The following VAT1L variants were observed in gnomAD, a reference collection of about 807,000 sequenced individuals.
VAT1L encodes the protein putative NADPH-dependent quinone oxidoreductase VAT1L.
In VAT1L, 34 loss-of-function variants were observed where a neutral mutation model predicts 44.1. The observed-to-expected ratio is 0.77, with a 90% CI of 0.59 to 1.03. The LOEUF (loss-of-function observed/expected upper bound fraction) is 1.03. Among genes scored for constraint, VAT1L ranks in the 50% least tolerant of loss-of-function variants. VAT1L has a pLI of 0.00. For missense variants in VAT1L, 615 were observed against 538.8 expected (o/e 1.14, Z -1.40); for synonymous variants, 253 against 202.2 (o/e 1.25, Z -2.13).
intron 7 of VAT1L, among the ~76,000 whole-genome samples, chr16:77,954,079 C>A (rs946421109): frequency 6.6e-6 from 1 of 152,158 alleles, no homozygotes; most frequent in Non-Finnish European, 1.5e-5. Flanking sequence ...TGAAACTCAG[C>A]TGCTGGGTCT....
intron 1 of VAT1L, among the ~76,000 whole-genome samples, chr16:77,814,833 T>A (rs2016324664): frequency 6.6e-6 from 1 of 152,228 alleles, no homozygotes; most frequent in African/African-American, 2.4e-5. Context: ...GTGAAACTGT[T>A]TTTAACCCTT....
chr16:77,880,616 T>TTTTTTTGG (rs2017142405), intron 6 of VAT1L, among the ~76,000 whole-genome samples: 1 of 144,492 alleles, frequency 6.9e-6, no homozygotes, highest in Admixed American at 7.0e-5. Flanking sequence ...TTTTTTTTAG[T>TTTTTTTGG]AATTTCAACT....
intron 4 of VAT1L, among the ~76,000 whole-genome samples, chr16:77,864,127 G>A (rs2016944984): frequency 6.6e-6 from 1 of 152,170 alleles, no homozygotes; most frequent in African/African-American, 2.4e-5. Context: ...AGATGATTTT[G>A]TGTGTCTCAC....
intron 7 of VAT1L, among the ~76,000 whole-genome samples, chr16:77,906,959 C>A (rs1010484507): frequency 2.0e-5 from 3 of 152,244 alleles, no homozygotes. Context: ...GATTCAATTT[C>A]TTTCATGGGA....
chr16:77,971,163 T>A (rs1020791859), intron 7 of VAT1L, among the ~76,000 whole-genome samples: 1 of 152,118 alleles, frequency 6.6e-6, no homozygotes, highest in African/African-American at 2.4e-5. Flanking sequence ...ACCTCAACAG[T>A]TGGAATTCCA....
At chr16:77,901,604 T>C (rs1486287254) in intron 7 of VAT1L, among the ~76,000 whole-genome samples, 1 of 152,200 alleles carries the variant, frequency 6.6e-6, no homozygotes, top group Non-Finnish European at 1.5e-5. Context: ...GTGGAATACA[T>C]TTCTCTTTAG....
chr16:77,975,136 G>T (rs1160465351), intron 8 of VAT1L, among the ~76,000 whole-genome samples: 1 of 150,844 alleles, frequency 6.6e-6, no homozygotes, highest in Non-Finnish European at 1.5e-5. Context: ...CGCTCAGCAG[G>T]TGCTGGAGGA....
chr16:77,877,477 C>T (rs925158304), intron 5 of VAT1L, among the ~76,000 whole-genome samples: 3 of 136,924 alleles, frequency 2.2e-5, no homozygotes, highest in African/African-American at 8.2e-5. Context: ...CGCGCCAGTG[C>T]ACTCTAGCCT....
Position 77,855,317 on chromosome 16 carries a change from G to A in VAT1L, c.580-7431G>A, listed in dbSNP as rs893746116. Reference sequence around the variant, plus strand: ...ATCGTGCCACTGCACTCCAGCCTGGGCAACAAAGCGAGACTCCATCTCAGA... The same window carrying A: ...ATCGTGCCACTGCACTCCAGCCTGGACAACAAAGCGAGACTCCATCTCAGA... On this transcript the variant is annotated intron_variant, in intron 3 of 8. Coordinates refer to ENST00000302536, the MANE Select transcript of VAT1L (RefSeq NM_020927.3). Among the ~76,000 whole-genome samples the A allele has an allele frequency of 2.7e-5, 4 of 149,618 alleles. No homozygotes were observed. The East Asian group carries it at 7.8e-4, about 29-fold the overall frequency.
chr16:77,976,174 T>C (rs982461615), intron 8 of VAT1L, among the ~76,000 whole-genome samples: 1 of 152,202 alleles, frequency 6.6e-6, no homozygotes, highest in East Asian at 1.9e-4. Context: ...GACATGGTCC[T>C]CTCCCGTGGT....
At chr16:77,889,700 A>G (rs1410785458) in intron 7 of VAT1L, among the ~76,000 whole-genome samples, 1 of 152,262 alleles carries the variant, frequency 6.6e-6, no homozygotes, top group Admixed American at 6.5e-5. Flanking sequence ...CAAAAATAAA[A>G]TCTATAAAAC....
intron 7 of VAT1L, among the ~76,000 whole-genome samples, chr16:77,937,422 T>C (rs541146366): frequency 6.6e-6 from 1 of 152,236 alleles, no homozygotes; most frequent in East Asian, 1.9e-4. Flanking sequence ...TGGCACCAAA[T>C]GTAAGAATTA....
At chr16:77,892,730 G>A (rs1179875099) in intron 7 of VAT1L, 8 of 743,964 alleles carry the variant, frequency 1.1e-5, no homozygotes, top group East Asian at 2.6e-5. Flanking sequence ...GGCAAATACT[G>A]GACCCAGCAC....
At chr16:77,839,955 G>A (rs1344496614) in intron 3 of VAT1L, among the ~76,000 whole-genome samples, 4 of 152,124 alleles carry the variant, frequency 2.6e-5, no homozygotes, top group Non-Finnish European at 5.9e-5. Flanking sequence ...AGAGTCTTTG[G>A]GGTGAGACTG....
intron 8 of VAT1L, among the ~76,000 whole-genome samples, chr16:77,974,897 A>G (rs1036074448): frequency 6.6e-6 from 1 of 152,070 alleles, no homozygotes; most frequent in African/African-American, 2.4e-5. Context: ...CCTGGGACCT[A>G]AAGAAACAAA....
At chr16:77,846,283 C>A (rs2016757364) in intron 3 of VAT1L, among the ~76,000 whole-genome samples, 1 of 152,120 alleles carries the variant, frequency 6.6e-6, no homozygotes, top group Admixed American at 6.5e-5. Flanking sequence ...CTTGATTTCC[C>A]AATACCAAAG....
chr16:77,923,136 C>G (rs957947899), intron 7 of VAT1L, among the ~76,000 whole-genome samples: 4 of 152,120 alleles, frequency 2.6e-5, no homozygotes, highest in Admixed American at 2.6e-4. Context: ...TTCTGGAGGA[C>G]AATTCTGAAC....
chr16:77,933,336 C>A (rs1017275793), intron 7 of VAT1L, among the ~76,000 whole-genome samples: 1 of 152,156 alleles, frequency 6.6e-6, no homozygotes, highest in Non-Finnish European at 1.5e-5. Flanking sequence ...TTCCTGACTC[C>A]AAAAACTGTA....
At chr16:77,807,684 C>T (rs181622526) in intron 1 of VAT1L, among the ~76,000 whole-genome samples, 604 of 152,174 alleles carry the variant, frequency 4.0e-3, no homozygotes, top group Non-Finnish European at 4.3e-3. Flanking sequence ...GACAGTGATT[C>T]GGATAGCAAG....
Sources: allele counts gnomAD v4.1 joint callset (sites outside exome capture counted in the v4.1 genomes callset), GRCh38; gene constraint gnomAD v4.1.1; transcripts MANE v1.5; gene names NCBI Gene and HGNC (gene_info 2026-07-23, HGNC 2026-07-21).